Variants in CRIM1 observed in about 807,000 individuals in gnomAD.
The protein encoded by CRIM1 is cysteine rich transmembrane BMP regulator 1, also known as cysteine-rich motor neuron 1 protein.
CRIM1 carries 32 observed loss-of-function variants against 116.4 expected under a neutral mutation model. That is an observed-to-expected ratio of 0.27 (90% confidence interval 0.21 to 0.37). The LOEUF is 0.37. Among genes scored for constraint, CRIM1 ranks in the 10% least tolerant of loss-of-function variants. The pLI is 1.00. For synonymous variants in CRIM1, 590 were observed against 509.2 expected, an observed-to-expected ratio of 1.16 and a Z score of -2.13; for missense variants, 1,331 against 1,354.8, an observed-to-expected ratio of 0.98 and a Z score of 0.28.
intron 5 of CRIM1, among the ~76,000 whole-genome samples, chr2:36,472,769 G>A (rs181482378): frequency 2.0e-5 from 3 of 151,992 alleles, no homozygotes; most frequent in Admixed American, 6.5e-5. Context: ...ATTTTGCCTC[G>A]CTCTACAGCC....
rs143484247 is a variant in CRIM1, at chr2:36,517,324, C to G, written c.1991-3C>G. On this transcript the variant is annotated splice_region_variant and splice_polypyrimidine_tract_variant and intron_variant, in intron 11 of 16. Coordinates refer to ENST00000280527, the MANE Select transcript of CRIM1 (RefSeq NM_016441.3). The stretch of plus-strand genomic sequence containing the variant: ...TGTGTTCTGATTTTGTGTCATTTCC[C>G]AGATGACTTTGTGGTGCAGAAGCCA... 51 of 1,612,274 alleles carry G rather than the reference C, an allele frequency of 3.2e-5. No individual in the cohort carries two copies. Among genetic ancestry groups the G allele is most frequent in the Middle Eastern group, 1.7e-4 (1 of 6,052 alleles).
At chr2:36,438,523 T>C (rs768500611) in intron 2 of CRIM1, among the ~76,000 whole-genome samples, 2 of 152,170 alleles carry the variant, frequency 1.3e-5, no homozygotes, top group Non-Finnish European at 2.9e-5. Flanking sequence ...TATTAGTTAA[T>C]CATGTTCTCT....
At chr2:36,366,272 T>C (rs543735684) in intron 1 of CRIM1, among the ~76,000 whole-genome samples, 1 of 152,326 alleles carries the variant, frequency 6.6e-6, no homozygotes, top group African/African-American at 2.4e-5. Context: ...CAGAAACTAC[T>C]TTAGTACCTC....
intron 12 of CRIM1, among the ~76,000 whole-genome samples, chr2:36,520,974 T>C (rs546078742): frequency 6.6e-6 from 1 of 152,346 alleles, no homozygotes; most frequent in African/African-American, 2.4e-5. Flanking sequence ...TCTTAGAGCT[T>C]TGCTAGGTAG....
At chr2:36,473,522 T>C (rs544237660) in intron 5 of CRIM1, among the ~76,000 whole-genome samples, 1 of 152,240 alleles carries the variant, frequency 6.6e-6, no homozygotes, top group South Asian at 2.1e-4. Context: ...CTGCCCATTT[T>C]CCCCCTAAGC....
intron 13 of CRIM1, among the ~76,000 whole-genome samples, chr2:36,532,780 T>C (rs951883493): frequency 1.3e-5 from 2 of 152,194 alleles, no homozygotes; most frequent in Non-Finnish European, 2.9e-5. Context: ...GTGCCTCATT[T>C]TTCTGTAGAA....
chr2:36,531,437 C>G (rs189336994), intron 13 of CRIM1, among the ~76,000 whole-genome samples: 36 of 151,252 alleles, frequency 2.4e-4, no homozygotes, highest in Admixed American at 1.3e-3. Flanking sequence ...CATGTATATC[C>G]TACATCATGG....
chr2:36,361,454 T>C (rs971357325), intron 1 of CRIM1, among the ~76,000 whole-genome samples: 1 of 151,950 alleles, frequency 6.6e-6, no homozygotes, highest in Non-Finnish European at 1.5e-5. Context: ...GATGAATGAG[T>C]GAACAGCTGG....
intron 14 of CRIM1, among the ~76,000 whole-genome samples, chr2:36,542,741 CAAGTA>C (rs1252292542): frequency 6.6e-6 from 1 of 152,126 alleles, no homozygotes; most frequent in East Asian, 1.9e-4. Flanking sequence ...TGAAAGGTGT[CAAGTA>C]AATGGCGACA....
chr2:36,429,433 C>T (rs1422159401), intron 2 of CRIM1, among the ~76,000 whole-genome samples: 1 of 152,208 alleles, frequency 6.6e-6, no homozygotes, highest in Non-Finnish European at 1.5e-5. Flanking sequence ...AATTCTCTCT[C>T]AGGCCTAGAT....
intron 4 of CRIM1, among the ~76,000 whole-genome samples, chr2:36,463,325 A>G (rs1677726421): frequency 6.6e-6 from 1 of 152,256 alleles, no homozygotes. Flanking sequence ...CCAAAGAACA[A>G]TAAGTGAACA....
At chr2:36,478,434 C>T (rs1312461613) in intron 6 of CRIM1, among the ~76,000 whole-genome samples, 1 of 152,128 alleles carries the variant, frequency 6.6e-6, no homozygotes, top group Non-Finnish European at 1.5e-5. Context: ...GGGCATGGAT[C>T]CAGTTATGTC....
chr2:36,361,795 T>A (rs1369168957), intron 1 of CRIM1, among the ~76,000 whole-genome samples: 1 of 152,180 alleles, frequency 6.6e-6, no homozygotes, highest in African/African-American at 2.4e-5. Flanking sequence ...TGAAGCGGGT[T>A]CCTGTAACAC....
intron 13 of CRIM1, among the ~76,000 whole-genome samples, chr2:36,536,477 C>T (rs3770820): frequency 0.29 from 44,788 of 152,032 alleles, 6,929 homozygotes; most frequent in Middle Eastern, 0.44. Flanking sequence ...CGTGCTCACA[C>T]CCCCGCCACC....
At chr2:36,454,678 A>C (rs1313309626) in intron 4 of CRIM1, among the ~76,000 whole-genome samples, 1 of 152,128 alleles carries the variant, frequency 6.6e-6, no homozygotes, top group Non-Finnish European at 1.5e-5. Context: ...TAAATTAGTC[A>C]CTGATATTTA....
At chr2:36,441,631 C>G (rs1433453173) in intron 3 of CRIM1, 131 bp downstream of exon 3, 34 of 1,193,156 alleles carry the variant, frequency 2.8e-5, no homozygotes, top group Non-Finnish European at 3.9e-5. Context: ...GAATCTGCCA[C>G]TTTGGGCTAA....
At chr2:36,508,963 T>C (rs918249229) in intron 8 of CRIM1, among the ~76,000 whole-genome samples, 4 of 152,166 alleles carry the variant, frequency 2.6e-5, no homozygotes, top group Non-Finnish European at 4.4e-5. Context: ...TTAATATGAG[T>C]ATTTTTTCAA....
chr2:36,361,010 A>G (rs1223763429), intron 1 of CRIM1, among the ~76,000 whole-genome samples: 2 of 152,150 alleles, frequency 1.3e-5, no homozygotes, highest in Non-Finnish European at 2.9e-5. Flanking sequence ...CCAACGAAGT[A>G]AACAAGGAAA....
chr2:36,499,904 G>T (rs950362382), intron 8 of CRIM1, among the ~76,000 whole-genome samples: 2 of 152,060 alleles, frequency 1.3e-5, no homozygotes, highest in Admixed American at 6.6e-5. Flanking sequence ...TAATTCTTCT[G>T]CCGGAATAAA....
Sources: gnomAD v4.1 joint callset for allele counts (sites outside exome capture counted in the v4.1 genomes callset) on GRCh38, gnomAD v4.1.1 for gene constraint, MANE v1.5 for transcripts, NCBI Gene and HGNC (gene_info 2026-07-23, HGNC 2026-07-21) for gene names.